PTPRD: variants seen among roughly 807,000 people sequenced by gnomAD.
PTPRD encodes the protein receptor-type tyrosine-protein phosphatase delta.
In PTPRD, 34 loss-of-function variants were observed where a neutral mutation model predicts 214.5. The ratio of observed to expected loss-of-function variants is 0.16; its 90% CI spans 0.12 to 0.21. The LOEUF (loss-of-function observed/expected upper bound fraction) is 0.21, where lower values mean the gene tolerates loss of function less well. Among genes scored for constraint, PTPRD ranks in the 10% least tolerant of loss-of-function variants. The pLI is 1.00. For synonymous variants in PTPRD, 1,128 were observed against 845.7 expected, an observed-to-expected ratio of 1.33 and a Z score of -5.79; for missense variants, 2,545 against 2,398.7, an observed-to-expected ratio of 1.06 and a Z score of -1.27.
At chr9:8,371,382 G>C (rs994217575) in intron 39 of PTPRD, among the ~76,000 whole-genome samples, 4 of 151,952 alleles carry the variant, frequency 2.6e-5, no homozygotes, top group Non-Finnish European at 5.9e-5. Flanking sequence ...TAAGAGCTGG[G>C]GGTAAAAATG....
intron 11 of PTPRD, among the ~76,000 whole-genome samples, chr9:8,811,251 G>A (rs989016804): frequency 6.6e-6 from 1 of 152,006 alleles, no homozygotes; most frequent in East Asian, 1.9e-4. Context: ...CAACTTCCCA[G>A]TACCAATCCT....
intron 2 of PTPRD, among the ~76,000 whole-genome samples, chr9:10,380,317 T>C (rs1051790986): frequency 6.6e-6 from 1 of 152,078 alleles, no homozygotes; most frequent in Non-Finnish European, 1.5e-5. Context: ...CAATGACCCA[T>C]GAGAGCAAAC....
chr9:8,449,692 CTG>C (rs2095862340), intron 34 of PTPRD, 31 bp downstream of exon 34: 1 of 1,587,278 alleles, frequency 6.3e-7, no homozygotes, highest in Admixed American at 1.7e-5. Flanking sequence ...CTGGGAAAGA[CTG>C]TGTGTGGATT....
At chr9:8,719,363 A>C (rs906169119) in intron 12 of PTPRD, among the ~76,000 whole-genome samples, 1 of 152,210 alleles carries the variant, frequency 6.6e-6, no homozygotes, top group Non-Finnish European at 1.5e-5. Context: ...GTGCTCCTTG[A>C]ACATATTTCT....
intron 3 of PTPRD, among the ~76,000 whole-genome samples, chr9:10,124,099 C>T (rs538887462): frequency 6.6e-6 from 1 of 152,156 alleles, no homozygotes; most frequent in African/African-American, 2.4e-5. Context: ...CCAGACTTAA[C>T]TTGAAAGCCA....
intron 33 of PTPRD, chr9:8,451,939 G>A (rs767649308): frequency 2.1e-6 from 1 of 482,834 alleles, no homozygotes; most frequent in South Asian, 1.5e-5. Flanking sequence ...TTTCCCTGTG[G>A]CTGGGGTGAG....
intron 3 of PTPRD, among the ~76,000 whole-genome samples, chr9:10,325,607 A>G (rs1023314531): frequency 6.6e-6 from 1 of 151,952 alleles, no homozygotes; most frequent in East Asian, 1.9e-4. Context: ...AAGCTTTATT[A>G]TAAGGAAATA....
intron 10 of PTPRD, among the ~76,000 whole-genome samples, chr9:9,169,087 A>C (rs905757923): frequency 6.6e-6 from 1 of 152,050 alleles, no homozygotes; most frequent in Non-Finnish European, 1.5e-5. Context: ...AATTTGCATA[A>C]ATTTATATTA....
chr9:8,586,547 G>A (rs188319462), intron 14 of PTPRD, among the ~76,000 whole-genome samples: 58 of 152,188 alleles, frequency 3.8e-4, no homozygotes, highest in African/African-American at 1.3e-3. Flanking sequence ...GGCTGACTTG[G>A]TTAAATCATT....
chr9:9,028,484 C>T (rs193032614), intron 10 of PTPRD, among the ~76,000 whole-genome samples: 1 of 151,982 alleles, frequency 6.6e-6, no homozygotes, highest in Non-Finnish European at 1.5e-5. Flanking sequence ...AACCCAGAAA[C>T]CTAAACTAAC....
At chr9:8,539,342 A>G (rs1041719609) in intron 14 of PTPRD, among the ~76,000 whole-genome samples, 1 of 151,948 alleles carries the variant, frequency 6.6e-6, no homozygotes, top group African/African-American at 2.4e-5. Context: ...AGAAACCAAA[A>G]ATGATGCTCC....
At chr9:9,898,512 T>G (rs2075608860) in intron 5 of PTPRD, among the ~76,000 whole-genome samples, 1 of 152,130 alleles carries the variant, frequency 6.6e-6, no homozygotes, top group African/African-American at 2.4e-5. Context: ...TTACTTCATG[T>G]GATTTCATAT....
At chr9:8,488,101 A>C (rs988539587) in intron 27 of PTPRD, among the ~76,000 whole-genome samples, 1 of 152,134 alleles carries the variant, frequency 6.6e-6, no homozygotes, top group Non-Finnish European at 1.5e-5. Context: ...ACAGGTGATA[A>C]AAAATCATAC....
chr9:10,184,597 T>C (rs1251512975), intron 3 of PTPRD, among the ~76,000 whole-genome samples: 1 of 152,174 alleles, frequency 6.6e-6, no homozygotes, highest in Non-Finnish European at 1.5e-5. Context: ...CAATTCGTTA[T>C]TTAAATAAAG....
chr9:8,800,936 A>C (rs540331874), intron 11 of PTPRD, among the ~76,000 whole-genome samples: 1 of 152,340 alleles, frequency 6.6e-6, no homozygotes, highest in African/African-American at 2.4e-5. Context: ...AGGAGCTGGG[A>C]AACCTAGGCA....
intron 6 of PTPRD, among the ~76,000 whole-genome samples, chr9:9,749,548 T>C (rs2098494713): frequency 6.6e-6 from 1 of 152,194 alleles, no homozygotes; most frequent in African/African-American, 2.4e-5. Context: ...AGATCAATCA[T>C]TGTTTAACAG....
intron 12 of PTPRD, among the ~76,000 whole-genome samples, chr9:8,688,027 G>A (rs72700357): frequency 0.11 from 16,376 of 152,022 alleles, 1,111 homozygotes; most frequent in South Asian, 0.15. Context: ...TAAAAAGTTC[G>A]CTATATAATG....
chr9:10,322,214 T>C (rs923769145), intron 3 of PTPRD, among the ~76,000 whole-genome samples: 1 of 152,048 alleles, frequency 6.6e-6, no homozygotes, highest in Non-Finnish European at 1.5e-5. Context: ...GTCAGTTTAA[T>C]GCATGACAGA....
chr9:8,495,579 G>C (rs1219852125), intron 26 of PTPRD, among the ~76,000 whole-genome samples: 1 of 152,092 alleles, frequency 6.6e-6, no homozygotes, highest in Non-Finnish European at 1.5e-5. Context: ...TTTAAACAAA[G>C]AAACAAACAA....
Sources: gnomAD v4.1 joint callset for allele counts (sites outside exome capture counted in the v4.1 genomes callset) on GRCh38, gnomAD v4.1.1 for gene constraint, MANE v1.5 for transcripts, NCBI Gene and HGNC (gene_info 2026-07-23, HGNC 2026-07-21) for gene names.